Variants in HBP1 observed in about 807,000 individuals in gnomAD.
The protein encoded by HBP1 is HMG box-containing protein 1.
In HBP1, 20 loss-of-function variants were observed where a neutral mutation model predicts 62.6. The ratio of observed to expected loss-of-function variants is 0.32; its 90% CI spans 0.22 to 0.46. The LOEUF (loss-of-function observed/expected upper bound fraction) is 0.46. Ranked by LOEUF, HBP1 falls within the 20% of genes least tolerant of loss-of-function variation. The probability of loss-of-function intolerance (pLI) is 1.00; values close to 1 mark genes in which losing one functional copy is unlikely to be tolerated. For missense variants in HBP1, 480 were observed against 611.8 expected, an observed-to-expected ratio of 0.78 and a Z score of 2.27; for synonymous variants, 232 against 206.2, an observed-to-expected ratio of 1.12 and a Z score of -1.07.
chr7:107,176,367 G>C (rs1332149691), intron 1 of HBP1, among the ~76,000 whole-genome samples: 2 of 152,090 alleles, frequency 1.3e-5, no homozygotes, highest in African/African-American at 2.4e-5. Context: ...CTGCTCTGTA[G>C]AACTATGGTC....
intron 9 of HBP1, 121 bp from the exon 10 acceptor site, chr7:107,200,039 C>A: frequency 1.4e-6 from 1 of 738,584 alleles, no homozygotes. Context: ...TTTCCCATCT[C>A]TGTGATAGAC....
chr7:107,169,061 C>T lies in HBP1; in HGVS notation c.-140C>T, dbSNP rs1026820218. 9.2e-5 allele frequency: 118 copies of T among 1,288,274 alleles called. No individual in the cohort carries two copies. The highest frequency in any genetic ancestry group is 1.1e-4 in the Non-Finnish European group (111 of 988,164). 79.8% of individuals were successfully genotyped at this position (1,288,274 alleles called of 1,614,324 possible). ...GAAAGTTTCGGTTGAGGAGTAAGAG[C>T]TGCCGCGGGAGCAGTAACCCGCGCG... is the stretch of plus-strand genomic sequence containing the variant. On this transcript the variant is annotated 5_prime_UTR_variant, in exon 1 of 11. Transcript: ENST00000222574.
intron 9 of HBP1, among the ~76,000 whole-genome samples, chr7:107,199,469 G>A (rs989617880): frequency 6.6e-6 from 1 of 152,226 alleles, no homozygotes. Context: ...ACTTGTAGGA[G>A]AGCTTCTGTG....
intron 6 of HBP1, 141 bp downstream of exon 6, chr7:107,186,822 T>C (rs1431264270): frequency 6.5e-6 from 4 of 619,680 alleles, no homozygotes; most frequent in Non-Finnish European, 1.2e-5. Context: ...TTATGACCAC[T>C]CATTGCTTAG....
rs770945819 is a variant in HBP1, at chr7:107,186,341, GATA to G, written c.541-16_541-14del. The G allele has an allele frequency of 7.2e-7, 1 of 1,387,202 alleles. No homozygotes were observed. Among genetic ancestry groups the G allele is most frequent in the Non-Finnish European group, 1.0e-6 (1 of 985,778 alleles). 85.9% of individuals were successfully genotyped at this position (1,387,202 alleles called of 1,614,324 possible). ...TATTTTAAAAACAAATAAAAAAGTT[GATA>G]ATATTTTTCTCCATAGGCAAATAGT... On this transcript the variant is annotated splice_polypyrimidine_tract_variant and intron_variant, in intron 4 of 10. Transcript: ENST00000222574.
At chr7:107,175,309 C>G (rs77727587) in intron 1 of HBP1, among the ~76,000 whole-genome samples, 24,470 of 152,068 alleles carry the variant, frequency 0.16, 2,343 homozygotes, top group Non-Finnish European at 0.22. Context: ...CTATTCTGAG[C>G]ATTTTACATG....
rs1387756855 is a variant in HBP1, at chr7:107,189,339, A to G, written c.813A>G (p.Val271=). The G allele has an allele frequency of 1.9e-6, 3 of 1,612,852 alleles. No homozygotes were observed. The highest frequency in any genetic ancestry group is 2.5e-6 in the Non-Finnish European group (3 of 1,179,056). Residue 271 remains valine, a synonymous_variant, in exon 7 of 11, where the codon GTA becomes GTG. Coordinates refer to ENST00000222574, the MANE Select transcript of HBP1 (RefSeq NM_012257.4). ...GLKLLSHEES[V]SFGESVLKLT... is the part of the protein sequence containing the mutation. ...AGTTGTTATCACATGAAGAAAGTGT[A>G]TCATTTGGCGAGTCTGTACTGAAGT... is the stretch of plus-strand genomic sequence containing the variant.
intron 9 of HBP1, among the ~76,000 whole-genome samples, chr7:107,198,593 T>A (rs1297367679): frequency 6.6e-6 from 1 of 152,230 alleles, no homozygotes; most frequent in Non-Finnish European, 1.5e-5. Flanking sequence ...GGCCATCAGA[T>A]ATCACCTATC....
At chr7:107,185,184 T>TGGG (rs921523137) in intron 3 of HBP1, among the ~76,000 whole-genome samples, 8 of 152,066 alleles carry the variant, frequency 5.3e-5, no homozygotes, top group African/African-American at 1.7e-4. Flanking sequence ...TTTTTTAAGG[T>TGGG]GATCTTTGAG....
chr7:107,187,558 CCTG>C (rs963235838), intron 6 of HBP1, among the ~76,000 whole-genome samples: 4 of 152,078 alleles, frequency 2.6e-5, no homozygotes, highest in South Asian at 2.1e-4. Context: ...TTGTTTTGAT[CCTG>C]CTATGTCTCA....
rs948812373 is a variant in HBP1, at chr7:107,201,761, A to G, written c.*330A>G. ...GAGAGGAGAAGTGTATACATGTTTT[A>G]TTTTAAATTGTACGAAAGGGGAATT... On this transcript the variant is annotated 3_prime_UTR_variant, in exon 11 of 11. Coordinates refer to ENST00000222574, the MANE Select transcript of HBP1 (RefSeq NM_012257.4). The G allele has an allele frequency of 1.7e-5, 4 of 236,172 alleles. No homozygotes were observed. The highest frequency in any genetic ancestry group is 9.0e-5 in the African/African-American group (4 of 44,524). The allele number at this position is 236,172 out of a possible 1,614,324, so 14.6% of individuals were successfully genotyped here.
In HBP1 at chr7:107,195,917, G is replaced by C; in HGVS notation, c.1151G>C (p.Gly384Ala). ...ARQRRASLSC[G>A]GPGGQDFARS... ...CAGCGTCGTGCATCTTTGTCTTGTGGAGGACCTGGTGGTCAAGACTTTGCA... is the reference window on the plus strand; with the variant it reads ...CAGCGTCGTGCATCTTTGTCTTGTGCAGGACCTGGTGGTCAAGACTTTGCA... Residue 384 changes from glycine (G) to alanine (A), a missense_variant, in exon 9 of 11, where the codon GGA becomes GCA. By Grantham distance (60) the Gly-to-Ala change is moderately conservative. Transcript: ENST00000222574. 6.2e-6 allele frequency: 10 copies of C among 1,613,334 alleles called. No homozygotes were observed. The highest frequency in any genetic ancestry group is 8.5e-6 in the Non-Finnish European group (10 of 1,179,464).
intron 9 of HBP1, among the ~76,000 whole-genome samples, chr7:107,199,091 ATTAT>A (rs1798071034): frequency 6.6e-6 from 1 of 151,708 alleles, no homozygotes; most frequent in African/African-American, 2.4e-5. Context: ...TTATCATTTT[ATTAT>A]TTATTTTTGA....
intron 1 of HBP1, among the ~76,000 whole-genome samples, chr7:107,170,788 A>G (rs773826126): frequency 3.3e-5 from 5 of 150,598 alleles, no homozygotes; most frequent in South Asian, 2.1e-4. Flanking sequence ...TACATACCCT[A>G]GTTAAAAGGG....
rs191870070 is a variant in HBP1 at position 107,187,267 on chromosome 7, A to G, written c.765+586A>G. On this transcript the variant is annotated intron_variant, in intron 6 of 10. Transcript: ENST00000222574. ...ACTCTGTCTCAAAAAATATATATATATTTATATGTAATGAATAAATAAACT... is the reference window on the plus strand; with the variant it reads ...ACTCTGTCTCAAAAAATATATATATGTTTATATGTAATGAATAAATAAACT... 1.2e-3 allele frequency among the ~76,000 whole-genome samples: 177 copies of G among 152,100 alleles called. 1 individual carries two copies. Among genetic ancestry groups the G allele is most frequent in the African/African-American group, 4.0e-3 (164 of 41,518 alleles).
In HBP1 at chr7:107,182,612, T is replaced by G. The variant is rs749813575; in HGVS notation, c.398+11T>G. ...CTCATTTTACAATAGGTAGGAGCAT[T>G]TATTATATTTTTATTGAAACATTCT... On this transcript the variant is annotated intron_variant, in intron 3 of 10. Coordinates refer to ENST00000222574, the MANE Select transcript of HBP1 (RefSeq NM_012257.4). 7.2e-7 allele frequency: 1 copy of G among 1,392,728 alleles called. No homozygotes were observed. The highest frequency in any genetic ancestry group is 1.2e-5 in the South Asian group (1 of 84,030). The allele number at this position is 1,392,728 out of a possible 1,614,324, so 86.3% of individuals were successfully genotyped here. A position where few individuals can be genotyped will look rare whatever the true frequency, so the allele number is the denominator to read the frequency against.
At chr7:107,185,616 G>C (rs1158782400) in intron 3 of HBP1, among the ~76,000 whole-genome samples, 185 bp from the exon 4 acceptor site, 2 of 152,166 alleles carry the variant, frequency 1.3e-5, no homozygotes, top group Non-Finnish European at 2.9e-5. Context: ...AAATGTGTGA[G>C]GAGGGTTTGG....
At chr7:107,178,577 A>G (rs1198281924) in intron 1 of HBP1, among the ~76,000 whole-genome samples, 1 of 152,158 alleles carries the variant, frequency 6.6e-6, no homozygotes, top group African/African-American at 2.4e-5. Context: ...TCCCATGATG[A>G]TTATTCATCT....
intron 8 of HBP1, chr7:107,192,931 A>C (rs923886645): frequency 2.0e-5 from 3 of 152,192 alleles, no homozygotes; most frequent in African/African-American, 7.2e-5. Flanking sequence ...GCCTAGGGGG[A>C]GGGCAAGAAG....
Sources: gnomAD v4.1 joint callset for allele counts (sites outside exome capture counted in the v4.1 genomes callset) on GRCh38, gnomAD v4.1.1 for gene constraint, MANE v1.5 for transcripts, NCBI Gene and HGNC (gene_info 2026-07-23, HGNC 2026-07-21) for gene names.